The following APLP2 variants were observed in gnomAD, a reference collection of about 807,000 sequenced individuals.
APLP2 encodes amyloid beta precursor like protein 2, also known as CDEI box-binding protein.
In APLP2, 53 loss-of-function variants were observed where a neutral mutation model predicts 89.9. The ratio of observed to expected loss-of-function variants is 0.59; its 90% confidence interval spans 0.47 to 0.74. The LOEUF is 0.74. Ranked by LOEUF, APLP2 falls within the 30% of genes least tolerant of loss-of-function variation. APLP2 has a pLI of 0.00. For missense variants in APLP2, 973 were observed against 975.9 expected, an observed-to-expected ratio of 1.00 and a Z score of 0.04; for synonymous variants, 372 against 348.6, an observed-to-expected ratio of 1.07 and a Z score of -0.75.
At chr11:130,102,094 C>G (rs1177196736) in intron 1 of APLP2, 2 of 361,726 alleles carry the variant, frequency 5.5e-6, no homozygotes, top group Non-Finnish European at 1.1e-5. Flanking sequence ...ATACTGAGAA[C>G]AGAATTTTTT....
chr11:130,106,374 T>A (rs1392447411), intron 1 of APLP2, among the ~76,000 whole-genome samples: 1 of 152,226 alleles, frequency 6.6e-6, no homozygotes, highest in Non-Finnish European at 1.5e-5. Context: ...TCTCTTGGAA[T>A]GTGCACCTCC....
At chr11:130,137,840 A>G (rs1231140533) in intron 13 of APLP2, among the ~76,000 whole-genome samples, 1 of 152,002 alleles carries the variant, frequency 6.6e-6, no homozygotes, top group Non-Finnish European at 1.5e-5. Flanking sequence ...AACCCAGCTC[A>G]CTGTACTGAG....
At chr11:130,079,361 A>G (rs1489557163) in intron 1 of APLP2, among the ~76,000 whole-genome samples, 1 of 152,162 alleles carries the variant, frequency 6.6e-6, no homozygotes, top group African/African-American at 2.4e-5. Context: ...GGCCTACCAA[A>G]GTGCTGAGAT....
At chr11:130,133,585 T>C (rs1312736779) in intron 11 of APLP2, 44 bp from the exon 12 acceptor site, 13 of 1,460,948 alleles carry the variant, frequency 8.9e-6, no homozygotes, top group Non-Finnish European at 1.2e-5. Context: ...CCTGGCCTAG[T>C]TGTTTTCAGT....
At chr11:130,070,826 TC>T in intron 1 of APLP2, 1 of 1,212,190 alleles carries the variant, frequency 8.2e-7, no homozygotes. Flanking sequence ...GGAAAAATCG[TC>T]CTCTTCGGGT....
At chr11:130,098,466 G>A (rs7931642) in intron 1 of APLP2, among the ~76,000 whole-genome samples, 34,118 of 151,522 alleles carry the variant, frequency 0.23, 5,266 homozygotes, top group East Asian at 0.44. Context: ...TCCCAGATAC[G>A]TTAAAGGAAA....
In APLP2 at chr11:130,141,680, G is replaced by T. The variant is rs1952412672; in HGVS notation, c.1998+108G>T. On this transcript the variant is annotated intron_variant, in intron 15 of 16. Transcript: ENST00000338167. This position sits in a 1 kb window ranked among gnomAD's most constrained non-coding sequence, Gnocchi z 4.2. Reference sequence around the variant, plus strand: ...CGGGAGAGATGCCTGAGCTAATAAGGGTCCCTCATCCCCAGCTTTCCGTAC... The same window carrying T: ...CGGGAGAGATGCCTGAGCTAATAAGTGTCCCTCATCCCCAGCTTTCCGTAC... 4 of 1,034,718 alleles carry T rather than the reference G, an allele frequency of 3.9e-6. No homozygotes were observed. The Admixed American group carries it at 9.2e-5, about 24-fold the overall frequency. 64.1% of individuals were successfully genotyped at this position (1,034,718 alleles called of 1,614,324 possible).
In APLP2 at chr11:130,143,537, G is replaced by A; in HGVS notation, c.*89G>A. The A allele has an allele frequency of 9.0e-7, 1 of 1,109,270 alleles. No individual in the cohort carries two copies. The allele number at this position is 1,109,270 out of a possible 1,614,324, so 68.7% of individuals were successfully genotyped here. A position where few individuals can be genotyped will look rare whatever the true frequency, so the allele number is the denominator to read the frequency against. ...GATCGACTGCCAAGCAGCAGCCGCTGCCAGGGGCTGCGTCTGACATCCTGA... is the reference window on the plus strand; with the variant it reads ...GATCGACTGCCAAGCAGCAGCCGCTACCAGGGGCTGCGTCTGACATCCTGA... On this transcript the variant is annotated 3_prime_UTR_variant, in exon 17 of 17. Coordinates refer to ENST00000338167, the MANE Select transcript of APLP2 (RefSeq NM_001142276.2).
intron 1 of APLP2, 83 bp from the exon 2 acceptor site, chr11:130,109,346 C>T (rs1948236384): frequency 1.6e-6 from 2 of 1,213,114 alleles, no homozygotes; most frequent in Admixed American, 5.4e-5. Context: ...TTAAAAGATG[C>T]ATTCTGTCAC....
chr11:130,126,957 A>T (rs1321543362), intron 8 of APLP2, 127 bp downstream of exon 8: 1 of 1,301,970 alleles, frequency 7.7e-7, no homozygotes, highest in Non-Finnish European at 1.1e-6. Flanking sequence ...GTGAGTCAGG[A>T]GAGAGTTACC....
At position 130,123,533 on chromosome 11, in the gene APLP2, A is replaced by G; in HGVS notation, c.923-79A>G. The stretch of plus-strand genomic sequence containing the variant: ...TCAGGCCTCCCCCAGCCCATCCCCC[A>G]GCTCGCCAGCCTGTAGCATTTTGAA... On this transcript the variant is annotated intron_variant, in intron 6 of 16. Coordinates refer to ENST00000338167, the MANE Select transcript of APLP2 (RefSeq NM_001142276.2). This position sits in a 1 kb window ranked among gnomAD's most constrained non-coding sequence, Gnocchi z 4.0. 1.4e-6 allele frequency: 2 copies of G among 1,458,698 alleles called. No individual in the cohort carries two copies. Among genetic ancestry groups the G allele is most frequent in the Admixed American group, 2.0e-5 (1 of 50,438 alleles). The allele number at this position is 1,458,698 out of a possible 1,614,324, so 90.4% of individuals were successfully genotyped here. A position where few individuals can be genotyped will look rare whatever the true frequency, so the allele number is the denominator to read the frequency against.
intron 3 of APLP2, among the ~76,000 whole-genome samples, chr11:130,112,484 G>A (rs572272915): frequency 6.6e-6 from 1 of 152,316 alleles, no homozygotes; most frequent in East Asian, 1.9e-4. Flanking sequence ...ACAGGACACA[G>A]TACTTATTAA....
rs536997719 is a variant in APLP2, at chr11:130,073,874, A to G, written c.105+3792A>G. On this transcript the variant is annotated intron_variant, in intron 1 of 16. Coordinates refer to ENST00000338167, the MANE Select transcript of APLP2 (RefSeq NM_001142276.2). ...AAAAAGAAATAACTTTAATCTTATA[A>G]AAAATGCAAAAATTGTACAATTTTC... Among the ~76,000 whole-genome samples, 9 of 152,330 alleles carry G rather than the reference A, an allele frequency of 5.9e-5. No individual in the cohort carries two copies. In the South Asian group the frequency reaches 1.9e-3, roughly 32 times the overall value.
chr11:130,138,885 C>T (rs544580444), intron 13 of APLP2: 1 of 152,056 alleles, frequency 6.6e-6, no homozygotes, highest in South Asian at 2.1e-4. Flanking sequence ...AGGCATGAGC[C>T]ACTGTATCCA....
At chr11:130,105,413 T>C (rs1487670843) in intron 1 of APLP2, among the ~76,000 whole-genome samples, 2 of 151,012 alleles carry the variant, frequency 1.3e-5, no homozygotes, top group Admixed American at 1.3e-4. Context: ...AGACCCTGTC[T>C]CAAAAAAAAA....
At chr11:130,081,074 A>G (rs1253101406) in intron 1 of APLP2, among the ~76,000 whole-genome samples, 1 of 152,214 alleles carries the variant, frequency 6.6e-6, no homozygotes, top group African/African-American at 2.4e-5. Context: ...AAAATTTAGA[A>G]AATACAGTTT....
At position 130,143,339 on chromosome 11, in the gene APLP2, T is replaced by C. The variant is rs781085716; in HGVS notation, c.2155-8T>C. On this transcript the variant is annotated splice_polypyrimidine_tract_variant and splice_region_variant and intron_variant, in intron 16 of 16. Transcript: ENST00000338167. ...CACCACAATGACCCTCAGGTTTTGT[T>C]CTTCCAGGTTGATCCAATGCTCACC... 1.9e-6 allele frequency: 3 copies of C among 1,613,672 alleles called. No homozygotes were observed. The highest frequency in any genetic ancestry group is 2.2e-5 in the South Asian group (2 of 91,084).
At chr11:130,135,777 A>G in intron 13 of APLP2, 62 bp downstream of exon 13, 1 of 1,594,972 alleles carries the variant, frequency 6.3e-7, no homozygotes, top group Non-Finnish European at 8.6e-7. Context: ...AGAGAATTGA[A>G]GTCAGTTTTT....
rs187542270 is a variant in APLP2 at position 130,143,850 on chromosome 11, T to C, written c.*402T>C. On this transcript the variant is annotated 3_prime_UTR_variant, in exon 17 of 17. Coordinates refer to ENST00000338167, the MANE Select transcript of APLP2 (RefSeq NM_001142276.2). ...TTCCGGTTATGTTGTGTAAGTCAAC[T>C]CTTCAGCCTCATTCACTGTCCTGGC... 395 of 171,554 alleles carry C rather than the reference T, an allele frequency of 2.3e-3. No individual in the cohort carries two copies. Among genetic ancestry groups the C allele is most frequent in the Non-Finnish European group, 3.7e-3 (291 of 79,248 alleles). 10.6% of individuals were successfully genotyped at this position (171,554 alleles called of 1,614,324 possible).
Sources: gnomAD v4.1 joint callset for allele counts (sites outside exome capture counted in the v4.1 genomes callset) on GRCh38, gnomAD v4.1.1 for gene constraint, Gnocchi (gnomAD v3.1) non-coding constraint, MANE v1.5 for transcripts, NCBI Gene and HGNC (gene_info 2026-07-23, HGNC 2026-07-21) for gene names.